COL23A1: variants seen among roughly 807,000 people sequenced by gnomAD.
COL23A1 encodes collagen alpha-1(XXIII) chain.
Under a neutral mutation model 99.3 loss-of-function variants are expected in COL23A1, and 97 were observed. The ratio of observed to expected loss-of-function variants is 0.98; its 90% CI spans 0.83 to 1.16. The LOEUF (loss-of-function observed/expected upper bound fraction) is 1.16, where lower values mean the gene tolerates loss of function less well. Among genes scored for constraint, COL23A1 ranks in the 50% most tolerant of loss-of-function variants. The pLI is 0.00. For missense variants in COL23A1, 762 were observed against 757.4 expected, an observed-to-expected ratio of 1.01 and a Z score of -0.07; for synonymous variants, 320 against 308.2, an observed-to-expected ratio of 1.04 and a Z score of -0.40.
At chr5:178,239,398 AGT>A (rs1026647098) in intron 27 of COL23A1, among the ~76,000 whole-genome samples, 1 of 152,096 alleles carries the variant, frequency 6.6e-6, no homozygotes, top group African/African-American at 2.4e-5. Flanking sequence ...GCTTGTCCTG[AGT>A]GTGTTCCCTC....
intron 2 of COL23A1, among the ~76,000 whole-genome samples, chr5:178,461,441 C>T (rs1431454012): frequency 2.0e-5 from 3 of 152,230 alleles, no homozygotes; most frequent in Non-Finnish European, 4.4e-5. Flanking sequence ...GTCGCTGGGC[C>T]TGGTTAGCCA....
intron 2 of COL23A1, among the ~76,000 whole-genome samples, chr5:178,556,896 T>C (rs1237686163): frequency 4.0e-5 from 6 of 151,894 alleles, no homozygotes; most frequent in African/African-American, 1.2e-4. Flanking sequence ...GAGGCTGCAG[T>C]GAGCTGAGAT....
Position 178,281,431 on chromosome 5 carries a change from C to G in COL23A1, c.441+6893G>C, listed in dbSNP as rs574392838. ...AGACCACATTTCAGCCCAGAGCTCT[C>G]GCAGTCCCCTGGGGCCCCGGCTGTC... is the stretch of plus-strand genomic sequence containing the variant. On this transcript the variant is annotated intron_variant, in intron 5 of 28. Coordinates refer to ENST00000390654, the MANE Select transcript of COL23A1 (RefSeq NM_173465.4). The surrounding 1 kb of genome is among the most constrained non-coding windows in gnomAD (Gnocchi z 4.0). Among the ~76,000 whole-genome samples, 73 of 152,268 alleles carry G rather than the reference C, an allele frequency of 4.8e-4. No homozygotes were observed. Among genetic ancestry groups the G allele is most frequent in the African/African-American group, 1.8e-3 (73 of 41,570 alleles).
chr5:178,420,574 T>TG (rs1765575751), intron 2 of COL23A1, among the ~76,000 whole-genome samples: 1 of 24,278 alleles, frequency 4.1e-5, no homozygotes, highest in Non-Finnish European at 7.7e-5. Context: ...CCTCCTCCCC[T>TG]CTCCCACTCT....
At chr5:178,355,521 A>G (rs1761591687) in intron 2 of COL23A1, among the ~76,000 whole-genome samples, 1 of 152,190 alleles carries the variant, frequency 6.6e-6, no homozygotes, top group Admixed American at 6.5e-5. Flanking sequence ...AGTAATTTAT[A>G]AAGAAAAGAG....
rs1270025249 is a variant in COL23A1 at position 178,384,284 on chromosome 5, C to G, written c.362-77365G>C. Among the ~76,000 whole-genome samples the G allele has an allele frequency of 6.6e-6, 1 of 152,264 alleles. No individual in the cohort carries two copies. Among genetic ancestry groups the G allele is most frequent in the Non-Finnish European group, 1.5e-5 (1 of 68,048 alleles). Reference sequence around the variant, plus strand: ...CCCCGCCCAGGGCAGTTCTCAAAACCTGGATCCGGCGACGGAGGCCCGGCC... The same window carrying G: ...CCCCGCCCAGGGCAGTTCTCAAAACGTGGATCCGGCGACGGAGGCCCGGCC... On this transcript the variant is annotated intron_variant, in intron 2 of 28. Coordinates refer to ENST00000390654, the MANE Select transcript of COL23A1 (RefSeq NM_173465.4). This position sits in a 1 kb window ranked among gnomAD's most constrained non-coding sequence, Gnocchi z 5.5.
At chr5:178,560,576 G>A (rs531454750) in intron 2 of COL23A1, 106 bp downstream of exon 2, 15 of 988,002 alleles carry the variant, frequency 1.5e-5, no homozygotes, top group Non-Finnish European at 1.8e-5. Context: ...GCACGAAGAC[G>A]ACAGCCTGAC....
At chr5:178,275,356 C>T (rs1756525257) in intron 5 of COL23A1, among the ~76,000 whole-genome samples, 1 of 152,220 alleles carries the variant, frequency 6.6e-6, no homozygotes, top group Admixed American at 6.5e-5. Flanking sequence ...CAGCAGGACC[C>T]TGGACGGTGC....
intron 2 of COL23A1, among the ~76,000 whole-genome samples, chr5:178,334,166 G>C (rs1344359357): frequency 6.6e-6 from 1 of 152,146 alleles, no homozygotes; most frequent in African/African-American, 2.4e-5. Flanking sequence ...CTGCTCTCTG[G>C]AGTGCGGCTG....
intron 2 of COL23A1, among the ~76,000 whole-genome samples, chr5:178,391,515 A>G (rs1311325929): frequency 6.6e-6 from 1 of 152,264 alleles, no homozygotes; most frequent in Non-Finnish European, 1.5e-5. Context: ...AATGCAAATT[A>G]AAGCCACGAT....
rs544503171 is a variant in COL23A1 at position 178,368,550 on chromosome 5, C to T, written c.362-61631G>A. Among the ~76,000 whole-genome samples, 34 of 152,316 alleles carry T rather than the reference C, an allele frequency of 2.2e-4. No homozygotes were observed. In the South Asian group the frequency reaches 5.4e-3, roughly 24 times the overall value. On this transcript the variant is annotated intron_variant, in intron 2 of 28. Coordinates refer to ENST00000390654, the MANE Select transcript of COL23A1 (RefSeq NM_173465.4). Reference sequence around the variant, plus strand: ...ACGTAGCCACCGCTATAGTATCACACGGAGTAGTTCCACTGCCCTAAAAGT... The same window carrying T: ...ACGTAGCCACCGCTATAGTATCACATGGAGTAGTTCCACTGCCCTAAAAGT...
At chr5:178,304,191 C>G (rs1358892440) in intron 3 of COL23A1, among the ~76,000 whole-genome samples, 1 of 151,990 alleles carries the variant, frequency 6.6e-6, no homozygotes. Flanking sequence ...GAATCCCAGC[C>G]GGGCACTGCC....
chr5:178,462,339 T>C (rs1756167016), intron 2 of COL23A1, among the ~76,000 whole-genome samples: 1 of 152,234 alleles, frequency 6.6e-6, no homozygotes, highest in Non-Finnish European at 1.5e-5. Context: ...CATTCTTCTG[T>C]CACTGATGTA....
intron 2 of COL23A1, among the ~76,000 whole-genome samples, chr5:178,358,288 GCGTATA>G (rs1561897064): frequency 6.3e-5 from 9 of 143,880 alleles, no homozygotes; most frequent in African/African-American, 2.4e-4. Flanking sequence ...GTATGCGTGT[GCGTATA>G]TGTATGTATG....
chr5:178,372,684 C>G (rs746406679), intron 2 of COL23A1, among the ~76,000 whole-genome samples: 1 of 152,072 alleles, frequency 6.6e-6, no homozygotes, highest in African/African-American at 2.4e-5. Flanking sequence ...GCCACCCTCC[C>G]GTCTCAGCCT....
Position 178,252,561 on chromosome 5 carries a change from C to A in COL23A1, c.997G>T (p.Gly333Trp). Residue 333 changes from glycine to tryptophan, a missense_variant, in exon 17 of 29, where the codon GGG (glycine) becomes TGG (tryptophan). Physicochemically the swap from Gly to Trp is radical, Grantham distance 184 (BLOSUM62 -2). Coordinates refer to ENST00000390654, the MANE Select transcript of COL23A1 (RefSeq NM_173465.4). ...PGPQGPPGPP[G>W]IPGAKGELGL... The stretch of plus-strand genomic sequence containing the variant: ...GCACTGACCTTGGCTCCAGGGATCC[C>A]TGGTGGCCCTGGGGGCCCCTGTGGT... 6.2e-7 allele frequency: 1 copy of A among 1,612,012 alleles called. No individual in the cohort carries two copies. Among genetic ancestry groups the A allele is most frequent in the Non-Finnish European group, 8.5e-7 (1 of 1,179,262 alleles).
At chr5:178,504,231 G>T (rs572273) in intron 2 of COL23A1, among the ~76,000 whole-genome samples, 8,456 of 152,140 alleles carry the variant, frequency 0.056, 579 homozygotes, top group African/African-American at 0.17. Context: ...CTCAGGCGGG[G>T]ACAGGAGGCA....
chr5:178,505,256 CT>C (rs34377422), intron 2 of COL23A1, among the ~76,000 whole-genome samples: 41 of 147,654 alleles, frequency 2.8e-4, no homozygotes, highest in Non-Finnish European at 3.3e-4. Flanking sequence ...TTCCCTTTTT[CT>C]TTTTTTTTTT....
At position 178,358,016 on chromosome 5, in the gene COL23A1, A is replaced by G. The variant is rs929117454; in HGVS notation, c.362-51097T>C. 2.7e-3 allele frequency among the ~76,000 whole-genome samples: 276 copies of G among 101,824 alleles called. 6 individuals are homozygous for G. The highest frequency in any genetic ancestry group is 7.5e-3 in the Admixed American group (76 of 10,102). The allele number at this position is 101,824 out of a possible 152,430, so 66.8% of individuals were successfully genotyped here. A position where few individuals can be genotyped will look rare whatever the true frequency, so the allele number is the denominator to read the frequency against. ...CGTGTGTGTATATGTATGTGTGTGT[A>G]TGTGTGTGTATGCGTATGTGTATGT... On this transcript the variant is annotated intron_variant, in intron 2 of 28. Coordinates refer to ENST00000390654, the MANE Select transcript of COL23A1 (RefSeq NM_173465.4).
Sources: gnomAD v4.1 joint callset for allele counts (sites outside exome capture counted in the v4.1 genomes callset) on GRCh38, gnomAD v4.1.1 for gene constraint, Gnocchi (gnomAD v3.1) non-coding constraint, MANE v1.5 for transcripts, NCBI Gene and HGNC (gene_info 2026-07-23, HGNC 2026-07-21) for gene names.